KDM4B: variants seen among roughly 807,000 people sequenced by gnomAD.
The protein encoded by KDM4B is lysine demethylase 4B, also known as lysine-specific demethylase 4B.
A neutral mutation model predicts 125.2 loss-of-function variants in KDM4B; 32 were observed. The ratio of observed to expected loss-of-function variants is 0.26; its 90% CI spans 0.19 to 0.34. KDM4B has a LOEUF of 0.34. Among genes scored for constraint, KDM4B ranks in the 10% least tolerant of loss-of-function variants. KDM4B has a pLI of 1.00. For synonymous variants in KDM4B, 721 were observed against 677.9 expected (o/e 1.06, Z -0.99); for missense variants, 1,190 against 1,577.7 (o/e 0.75, Z 4.16).
chr19:5,031,850 C>G (rs1310684545), intron 2 of KDM4B, among the ~76,000 whole-genome samples: 1 of 152,210 alleles, frequency 6.6e-6, no homozygotes. Context: ...GAACCCCACT[C>G]CCGGGACTGT....
intron 2 of KDM4B, among the ~76,000 whole-genome samples, chr19:5,027,520 C>T (rs943411674): frequency 1.3e-5 from 2 of 151,774 alleles, no homozygotes; most frequent in African/African-American, 4.8e-5. Context: ...TTCTTCCTCC[C>T]TCCCTTTCTT....
chr19:4,981,561 C>T (rs1198129942), intron 1 of KDM4B, among the ~76,000 whole-genome samples: 1 of 152,186 alleles, frequency 6.6e-6, no homozygotes, highest in African/African-American at 2.4e-5. Flanking sequence ...GCCCAGCAGC[C>T]TCCACCTGGA....
chr19:4,995,042 G>T lies in KDM4B; in HGVS notation c.-108-21215G>T, dbSNP rs983416851. ...TTCAAGGATGCTGATGTGTTTGTTT[G>T]CCTGAATGGTGCCTCTTCTTTTGCT... On this transcript the variant is annotated intron_variant, in intron 1 of 22. Transcript: ENST00000159111. Among the ~76,000 whole-genome samples the T allele has an allele frequency of 2.0e-5, 3 of 152,122 alleles. No homozygotes were observed. The South Asian group carries it at 6.2e-4, about 32-fold the overall frequency.
At chr19:5,044,998 A>G (rs533364697) in intron 5 of KDM4B, among the ~76,000 whole-genome samples, 3 of 152,308 alleles carry the variant, frequency 2.0e-5, no homozygotes, top group Admixed American at 1.3e-4. Context: ...TCATTCACCT[A>G]TTAAAGGACC....
intron 6 of KDM4B, among the ~76,000 whole-genome samples, chr19:5,050,531 T>C (rs997026048): frequency 1.3e-5 from 2 of 152,164 alleles, no homozygotes; most frequent in Admixed American, 6.5e-5. Flanking sequence ...GGTGGGGTGG[T>C]GGCCTGGGGT....
chr19:5,070,788 T>C (rs2037922133), intron 6 of KDM4B: 2 of 484,180 alleles, frequency 4.1e-6, no homozygotes, highest in African/African-American at 2.0e-5. Context: ...CGAGCCATGG[T>C]CCTCACTCCC....
intron 1 of KDM4B, among the ~76,000 whole-genome samples, chr19:4,994,775 T>C (rs2145398998): frequency 6.6e-6 from 1 of 152,270 alleles, no homozygotes; most frequent in Non-Finnish European, 1.5e-5. Context: ...TTATTCCTTC[T>C]TTGATGTTTT....
In KDM4B at chr19:5,113,540, C is replaced by G. The variant is rs567416226; in HGVS notation, c.1115+2722C>G. Among the ~76,000 whole-genome samples the G allele has an allele frequency of 3.0e-4, 46 of 152,218 alleles. No homozygotes were observed. In the South Asian group the frequency reaches 9.1e-3, roughly 30 times the overall value. Reference sequence around the variant, plus strand: ...GGCATATCTTGGGGCCAGGGCAGCCCTGTCTGAGCATCTGTGGCTCAGGCT... The same window carrying G: ...GGCATATCTTGGGGCCAGGGCAGCCGTGTCTGAGCATCTGTGGCTCAGGCT... On this transcript the variant is annotated intron_variant, in intron 10 of 22. Coordinates refer to ENST00000159111, the MANE Select transcript of KDM4B (RefSeq NM_015015.3).
At chr19:5,060,798 C>G (rs923614608) in intron 6 of KDM4B, among the ~76,000 whole-genome samples, 7 of 152,224 alleles carry the variant, frequency 4.6e-5, no homozygotes. Flanking sequence ...CCTGCGCACC[C>G]TCCCCTGTGA....
At chr19:5,048,448 G>A (rs973257147) in intron 6 of KDM4B, among the ~76,000 whole-genome samples, 6 of 152,196 alleles carry the variant, frequency 3.9e-5, no homozygotes, top group Non-Finnish European at 7.3e-5. Flanking sequence ...TCCAAGGGCC[G>A]CTAGGTGGCG....
intron 6 of KDM4B, among the ~76,000 whole-genome samples, chr19:5,053,055 C>T (rs974934786): frequency 2.0e-5 from 3 of 152,236 alleles, no homozygotes; most frequent in African/African-American, 4.8e-5. Flanking sequence ...ACAGGGGTGG[C>T]GTAGCCTGAG....
intron 1 of KDM4B, among the ~76,000 whole-genome samples, chr19:5,004,591 C>G (rs568408934): frequency 6.6e-6 from 1 of 152,324 alleles, no homozygotes; most frequent in Admixed American, 6.5e-5. Flanking sequence ...TGCATGTGTG[C>G]TGCCGTGCAC....
At chr19:5,146,939 C>CAAAAAAAAAAAAAAAA (rs1182135277) in intron 21 of KDM4B, among the ~76,000 whole-genome samples, 1 of 60,556 alleles carries the variant, frequency 1.7e-5, no homozygotes, top group Non-Finnish European at 2.8e-5. Flanking sequence ...ACCCTGTCTC[C>CAAAAAAAAAAAAAAAA]AAAAAAAAAA....
At chr19:5,084,950 C>T (rs1255758149) in intron 9 of KDM4B, among the ~76,000 whole-genome samples, 2 of 151,254 alleles carry the variant, frequency 1.3e-5, no homozygotes, top group Non-Finnish European at 2.9e-5. Flanking sequence ...AAGTGATCCA[C>T]CCACCTCGGC....
At chr19:4,974,917 C>T (rs1451875660) in intron 1 of KDM4B, among the ~76,000 whole-genome samples, 13 of 152,064 alleles carry the variant, frequency 8.5e-5, no homozygotes, top group Non-Finnish European at 1.5e-5. Flanking sequence ...TTCCTTTCCT[C>T]CCTTTCTTCC....
At chr19:5,108,459 C>T (rs2145977782) in intron 9 of KDM4B, among the ~76,000 whole-genome samples, 1 of 152,262 alleles carries the variant, frequency 6.6e-6, no homozygotes, top group African/African-American at 2.4e-5. Context: ...CAGAAGGTTC[C>T]ATGGCCCCCC....
chr19:5,077,832 C>T (rs780052944), intron 8 of KDM4B: 63 of 257,352 alleles, frequency 2.4e-4, no homozygotes, highest in Non-Finnish European at 3.8e-4. Flanking sequence ...CAGGGCCCCT[C>T]GTCCCGTGCA....
intron 11 of KDM4B, among the ~76,000 whole-genome samples, chr19:5,125,534 G>A (rs2039433955): frequency 1.3e-5 from 2 of 152,208 alleles, no homozygotes. Flanking sequence ...TCACCATCCT[G>A]TTTAAAGATG....
At chr19:5,151,150 A>G (rs760783605) in intron 22 of KDM4B, among the ~76,000 whole-genome samples, 185 bp from the exon 23 acceptor site, 3 of 152,138 alleles carry the variant, frequency 2.0e-5, no homozygotes, top group African/African-American at 4.8e-5. Flanking sequence ...GCTGGGGCCG[A>G]GTGCAGGGCC....
Sources: gnomAD v4.1 joint callset for allele counts (sites outside exome capture counted in the v4.1 genomes callset) on GRCh38, gnomAD v4.1.1 for gene constraint, MANE v1.5 for transcripts, NCBI Gene and HGNC (gene_info 2026-07-23, HGNC 2026-07-21) for gene names.